Variants in MAD1L1 observed in about 807,000 individuals in gnomAD.
MAD1L1 encodes mitotic spindle assembly checkpoint protein MAD1.
MAD1L1 carries 95 observed loss-of-function variants against 96.9 expected under a neutral mutation model. The ratio of observed to expected loss-of-function variants is 0.98; its 90% CI spans 0.83 to 1.16. MAD1L1 has a LOEUF of 1.16. Ranked by LOEUF, MAD1L1 falls within the 50% of genes most tolerant of loss-of-function variation. The pLI, the probability that MAD1L1 is intolerant of heterozygous loss-of-function variation, is 0.00. For synonymous variants in MAD1L1, 473 were observed against 396.6 expected, an observed-to-expected ratio of 1.19 and a Z score of -2.29; for missense variants, 1,007 against 954.4, an observed-to-expected ratio of 1.06 and a Z score of -0.73.
intron 11 of MAD1L1, among the ~76,000 whole-genome samples, chr7:2,102,685 T>C (rs1469380269): frequency 2.0e-5 from 2 of 102,492 alleles, no homozygotes; most frequent in African/African-American, 4.0e-5. Flanking sequence ...TCAGGACCAC[T>C]CTCCACACCA....
At chr7:2,125,904 C>G (rs1788209494) in intron 11 of MAD1L1, among the ~76,000 whole-genome samples, 1 of 152,274 alleles carries the variant, frequency 6.6e-6, no homozygotes, top group Non-Finnish European at 1.5e-5. Flanking sequence ...GTTGAGCCAG[C>G]ACTGGCATCT....
chr7:2,172,032 G>A (rs1004262589), intron 10 of MAD1L1, among the ~76,000 whole-genome samples: 18 of 152,086 alleles, frequency 1.2e-4, no homozygotes, highest in African/African-American at 3.6e-4. Context: ...GCCACTCATC[G>A]GCTGTGAGTC....
intron 12 of MAD1L1, among the ~76,000 whole-genome samples, chr7:2,028,666 C>T (rs896219995): frequency 3.3e-5 from 5 of 152,040 alleles, no homozygotes; most frequent in East Asian, 1.9e-4. Context: ...TATCAGGTAA[C>T]GAGACTCTAA....
chr7:2,167,349 C>G (rs1790482175), intron 10 of MAD1L1, among the ~76,000 whole-genome samples: 1 of 151,918 alleles, frequency 6.6e-6, no homozygotes, highest in Admixed American at 6.6e-5. Context: ...AGATAGAGAC[C>G]ATCCTGGCTA....
intron 12 of MAD1L1, among the ~76,000 whole-genome samples, chr7:2,046,156 GC>G (rs1359837137): frequency 6.6e-6 from 1 of 152,160 alleles, no homozygotes; most frequent in Non-Finnish European, 1.5e-5. Context: ...GGTGGCGCAG[GC>G]CCCACGCCCC....
At chr7:2,140,291 C>T (rs977468929) in intron 11 of MAD1L1, among the ~76,000 whole-genome samples, 2 of 152,222 alleles carry the variant, frequency 1.3e-5, no homozygotes, top group African/African-American at 4.8e-5. Context: ...GACTCCAGCA[C>T]CCCTCCAGCA....
At chr7:2,056,529 A>G (rs1784395618) in intron 12 of MAD1L1, among the ~76,000 whole-genome samples, 1 of 152,204 alleles carries the variant, frequency 6.6e-6, no homozygotes, top group African/African-American at 2.4e-5. Context: ...GCTATCCAGG[A>G]AAGACGTGGA....
In MAD1L1 at chr7:1,821,727, T is replaced by C. The variant is rs142191782; in HGVS notation, c.1999-5499A>G. On this transcript the variant is annotated intron_variant, in intron 18 of 18. Coordinates refer to ENST00000265854, the MANE Select transcript of MAD1L1 (RefSeq NM_001013836.2). ...CACAGGCAAAGCATTTGAAAAAATT[T>C]AATCTCCATTCCTGACAAGAACTCT... Among the ~76,000 whole-genome samples, 11 of 152,320 alleles carry C rather than the reference T, an allele frequency of 7.2e-5. No homozygotes were observed. In the East Asian group the frequency reaches 1.3e-3, roughly 19 times the overall value.
chr7:2,056,581 C>G (rs570375295), intron 12 of MAD1L1, among the ~76,000 whole-genome samples: 41 of 152,310 alleles, frequency 2.7e-4, no homozygotes, highest in Admixed American at 6.5e-4. Context: ...TGCAAAGCGA[C>G]CCAGGAGATA....
chr7:1,920,263 C>T (rs894353768), intron 17 of MAD1L1, among the ~76,000 whole-genome samples: 9 of 152,208 alleles, frequency 5.9e-5, no homozygotes, highest in Admixed American at 1.3e-4. Context: ...TGTGCATGTG[C>T]GTGTGTACAC....
At chr7:1,862,277 C>A (rs1341767309) in intron 18 of MAD1L1, among the ~76,000 whole-genome samples, 34 of 152,226 alleles carry the variant, frequency 2.2e-4, no homozygotes, top group Non-Finnish European at 1.0e-4. Flanking sequence ...CTGGCCCCAG[C>A]TGTGAGGACT....
intron 18 of MAD1L1, among the ~76,000 whole-genome samples, chr7:1,868,654 A>T (rs1051768821): frequency 2.0e-5 from 3 of 152,244 alleles, no homozygotes; most frequent in African/African-American, 7.2e-5. Context: ...AAGTCAGCAC[A>T]GCCCATGCCG....
At chr7:2,170,205 C>T (rs1251806262) in intron 10 of MAD1L1, among the ~76,000 whole-genome samples, 1 of 152,086 alleles carries the variant, frequency 6.6e-6, no homozygotes, top group Non-Finnish European at 1.5e-5. Context: ...AGAGAGAGCC[C>T]CTGAGGAAAG....
At chr7:2,095,028 T>C (rs748500650) in intron 11 of MAD1L1, among the ~76,000 whole-genome samples, 24 of 151,222 alleles carry the variant, frequency 1.6e-4, no homozygotes, top group Non-Finnish European at 2.7e-4. Flanking sequence ...AAATAGTAAA[T>C]ATATATATAT....
chr7:1,989,442 C>T (rs995548529), intron 14 of MAD1L1, among the ~76,000 whole-genome samples: 5 of 152,188 alleles, frequency 3.3e-5, no homozygotes, highest in African/African-American at 7.2e-5. Flanking sequence ...TGTTGATCTC[C>T]GGTGGGGCCG....
intron 12 of MAD1L1, among the ~76,000 whole-genome samples, chr7:2,014,906 T>C (rs962270822): frequency 5.9e-5 from 9 of 152,186 alleles, no homozygotes; most frequent in South Asian, 2.1e-4. Context: ...CTACAGCGGG[T>C]GTGGGCTCCA....
At chr7:2,030,332 G>C (rs1460370431) in intron 12 of MAD1L1, among the ~76,000 whole-genome samples, 6 of 152,210 alleles carry the variant, frequency 3.9e-5, no homozygotes, top group Non-Finnish European at 8.8e-5. Context: ...AAAAAGTCCA[G>C]TTCAATGGAT....
intron 18 of MAD1L1, among the ~76,000 whole-genome samples, chr7:1,892,042 G>A (rs960434724): frequency 1.3e-5 from 2 of 152,190 alleles, no homozygotes; most frequent in African/African-American, 4.8e-5. Flanking sequence ...AGCCCTGCGA[G>A]CTCCGTTCAC....
At chr7:2,087,408 C>G (rs1034343273) in intron 11 of MAD1L1, among the ~76,000 whole-genome samples, 1 of 152,010 alleles carries the variant, frequency 6.6e-6, no homozygotes, top group Admixed American at 6.6e-5. Context: ...GGCCTGGTGG[C>G]GCGCGCCTGT....
Sources: allele counts gnomAD v4.1 joint callset (sites outside exome capture counted in the v4.1 genomes callset), GRCh38; gene constraint gnomAD v4.1.1; transcripts MANE v1.5; gene names NCBI Gene and HGNC (gene_info 2026-07-23, HGNC 2026-07-21).